The following ABCB1 variants were observed in gnomAD, a reference collection of about 807,000 sequenced individuals.
The protein encoded by ABCB1 is ATP-dependent translocase ABCB1.
In ABCB1, 69 loss-of-function variants were observed where a neutral mutation model predicts 142.0. The ratio of observed to expected loss-of-function variants is 0.49; its 90% CI spans 0.40 to 0.59. The LOEUF (loss-of-function observed/expected upper bound fraction) is 0.59, where lower values mean the gene tolerates loss of function less well. Among genes scored for constraint, ABCB1 ranks in the 20% least tolerant of loss-of-function variants. The pLI, the probability that ABCB1 is intolerant of heterozygous loss-of-function variation, is 0.00. For synonymous variants in ABCB1, 532 were observed against 539.2 expected (o/e 0.99, Z 0.18); for missense variants, 1,326 against 1,554.7 (o/e 0.85, Z 2.47).
intron 8 of ABCB1, among the ~76,000 whole-genome samples, chr7:87,559,721 G>C (rs943450041): frequency 2.6e-5 from 4 of 152,168 alleles, no homozygotes; most frequent in Admixed American, 6.5e-5. Flanking sequence ...TTTGGAGAGA[G>C]ATTGTTTCCT....
At chr7:87,620,856 T>C (rs905281129) in intron 1 of ABCB1, among the ~76,000 whole-genome samples, 36 of 152,012 alleles carry the variant, frequency 2.4e-4, no homozygotes, top group African/African-American at 8.2e-4. Flanking sequence ...TGTTAAAAGG[T>C]GATTGTGCAA....
intron 21 of ABCB1, among the ~76,000 whole-genome samples, chr7:87,530,033 C>A (rs1045611844): frequency 2.0e-5 from 3 of 152,130 alleles, no homozygotes; most frequent in African/African-American, 4.8e-5. Flanking sequence ...GGGAACCCCC[C>A]AAAAATGGGA....
At chr7:87,709,441 C>G (rs996031924) in intron 1 of ABCB1, 33 of 985,160 alleles carry the variant, frequency 3.3e-5, no homozygotes, top group Non-Finnish European at 3.9e-5. Context: ...ACTGCAGGTT[C>G]CCCTAGGCTT....
intron 4 of ABCB1, among the ~76,000 whole-genome samples, chr7:87,578,364 G>A (rs916351672): frequency 6.6e-6 from 1 of 152,074 alleles, no homozygotes; most frequent in Non-Finnish European, 1.5e-5. Flanking sequence ...CTCCAGTTTT[G>A]TTCTTTTTGC....
At position 87,529,854 on chromosome 7, in the gene ABCB1, G is replaced by A. The variant is rs1266050764; in HGVS notation, c.2685+1440C>T. Reference sequence around the variant, plus strand: ...GGCACAGAATGTATTCCCTGGCAGGGGCCAACGTTACTTGAGCCAGACCAC... The same window carrying A: ...GGCACAGAATGTATTCCCTGGCAGGAGCCAACGTTACTTGAGCCAGACCAC... On this transcript the variant is annotated intron_variant, in intron 21 of 27. Coordinates refer to ENST00000622132, the MANE Select transcript of ABCB1 (RefSeq NM_001348946.2). Among the ~76,000 whole-genome samples the A allele has an allele frequency of 2.0e-5, 3 of 152,186 alleles. No homozygotes were observed. In the East Asian group the frequency reaches 5.8e-4, roughly 29 times the overall value.
chr7:87,516,431 A>C (rs1419746502), intron 24 of ABCB1, 78 bp downstream of exon 24: 1 of 1,584,166 alleles, frequency 6.3e-7, no homozygotes, highest in Non-Finnish European at 8.7e-7. Flanking sequence ...TGAAAGTACA[A>C]ATTTTATTAA....
At chr7:87,514,576 G>A (rs1815151655) in intron 25 of ABCB1, among the ~76,000 whole-genome samples, 1 of 152,048 alleles carries the variant, frequency 6.6e-6, no homozygotes. Flanking sequence ...TCATAAAAAT[G>A]CTCAAGAGTT....
At chr7:87,562,517 A>G (rs1817602328) in intron 7 of ABCB1, among the ~76,000 whole-genome samples, 1 of 152,190 alleles carries the variant, frequency 6.6e-6, no homozygotes, top group Non-Finnish European at 1.5e-5. Context: ...TGCCACAACA[A>G]TTGCCACAAT....
At chr7:87,505,809 T>C in intron 27 of ABCB1, 88 bp downstream of exon 27, 1 of 1,482,102 alleles carries the variant, frequency 6.7e-7, no homozygotes, top group South Asian at 1.1e-5. Context: ...GTCAATAATC[T>C]GGCTGCATTT....
upstream of ABCB1, among the ~76,000 whole-genome samples, chr7:87,603,410 A>G (rs1456289752): frequency 2.6e-5 from 4 of 152,214 alleles, no homozygotes; most frequent in Non-Finnish European, 5.9e-5. Context: ...ACACTGTAGT[A>G]CATTATCATA....
rs140228429 is a variant in ABCB1 at position 87,650,301 on chromosome 7, A to G, written c.-330-49223T>C. Among the ~76,000 whole-genome samples, 1,350 of 152,242 alleles carry G rather than the reference A, an allele frequency of 8.9e-3. 16 individuals carry two copies. The highest frequency in any genetic ancestry group is 0.012 in the Non-Finnish European group (783 of 68,028). ...AGGCTGCTTTAACAAATTGTCTTAA[A>G]CCAGGTAATTTATAAACAACAGAAA... On this transcript the variant is annotated intron_variant, in intron 1 of 28. Coordinates refer to the ABCB1 transcript ENST00000265724.
chr7:87,523,127 G>T (rs568778602), intron 21 of ABCB1, among the ~76,000 whole-genome samples: 12 of 152,026 alleles, frequency 7.9e-5, no homozygotes, highest in South Asian at 2.1e-4. Flanking sequence ...TAGAAACGGG[G>T]TCTTGCTCTG....
intron 20 of ABCB1, among the ~76,000 whole-genome samples, chr7:87,534,080 C>G (rs1252720069): frequency 6.6e-6 from 1 of 152,106 alleles, no homozygotes; most frequent in Non-Finnish European, 1.5e-5. Context: ...AAGTGACCAC[C>G]AATTTTACAA....
chr7:87,681,286 T>C (rs1240577175), intron 1 of ABCB1, among the ~76,000 whole-genome samples: 1 of 150,600 alleles, frequency 6.6e-6, no homozygotes, highest in Non-Finnish European at 1.5e-5. Flanking sequence ...ATTCAATCCA[T>C]CTCAGAAAAT....
chr7:87,637,172 A>G (rs1424231753), intron 1 of ABCB1, among the ~76,000 whole-genome samples: 1 of 152,214 alleles, frequency 6.6e-6, no homozygotes, highest in Non-Finnish European at 1.5e-5. Flanking sequence ...GTGGGGACAC[A>G]GCCAAACTAT....
chr7:87,612,711 T>C (rs971824104), intron 1 of ABCB1, among the ~76,000 whole-genome samples: 1 of 152,202 alleles, frequency 6.6e-6, no homozygotes, highest in African/African-American at 2.4e-5. Flanking sequence ...TCCAGATTTG[T>C]TCTTTTTACT....
chr7:87,601,021 G>A (rs200748388), upstream of ABCB1: 1 of 152,190 alleles, frequency 6.6e-6, no homozygotes, highest in Non-Finnish European at 1.5e-5. Flanking sequence ...GATTCCTCGA[G>A]AAACTGCGAA....
At chr7:87,634,268 A>C (rs550260131) in intron 1 of ABCB1, among the ~76,000 whole-genome samples, 1 of 152,038 alleles carries the variant, frequency 6.6e-6, no homozygotes, top group Non-Finnish European at 1.5e-5. Context: ...AAATTTCAAC[A>C]TGTCATTTGA....
rs901652877 is a variant in ABCB1, at chr7:87,626,752, CATATATATG to C, written c.-330-25683_-330-25675del. On this transcript the variant is annotated intron_variant, in intron 1 of 28. Transcript: ENST00000265724. ...TCATATATATGTGTCATATATATGT[CATATATATG>C]TCATATATATGTCAGAGAGAGAGAG... Among the ~76,000 whole-genome samples, 6 of 48,972 alleles carry C rather than the reference CATATATATG, an allele frequency of 1.2e-4. 1 individual carries two copies. The highest frequency in any genetic ancestry group is 2.2e-4 in the Admixed American group (1 of 4,564). 32.1% of individuals were successfully genotyped at this position (48,972 alleles called of 152,430 possible).
Sources: gnomAD v4.1 joint callset for allele counts (sites outside exome capture counted in the v4.1 genomes callset) on GRCh38, gnomAD v4.1.1 for gene constraint, MANE v1.5 for transcripts, NCBI Gene and HGNC (gene_info 2026-07-23, HGNC 2026-07-21) for gene names.